BTRC: variants seen among roughly 807,000 people sequenced by gnomAD.
The protein encoded by BTRC is F-box/WD repeat-containing protein 1A.
A neutral mutation model predicts 85.5 loss-of-function variants in BTRC; 42 were observed. The observed-to-expected ratio is 0.49, with a 90% CI of 0.38 to 0.64. BTRC has a LOEUF of 0.64. BTRC is among the 30% of genes least tolerant of loss of function. The pLI, the probability that BTRC is intolerant of heterozygous loss-of-function variation, is 0.00. For synonymous variants in BTRC, 255 were observed against 263.3 expected (o/e 0.97, Z 0.30); for missense variants, 594 against 743.5 (o/e 0.80, Z 2.34).
intron 14 of BTRC, among the ~76,000 whole-genome samples, chr10:101,552,489 C>T (rs981054241): frequency 1.3e-5 from 2 of 151,988 alleles, no homozygotes; most frequent in Non-Finnish European, 2.9e-5. Context: ...CCACCGCACC[C>T]GGCCTGTCTC....
At chr10:101,527,785 C>CA (rs1299380807) in intron 6 of BTRC, among the ~76,000 whole-genome samples, 6 of 144,022 alleles carry the variant, frequency 4.2e-5, no homozygotes, top group Non-Finnish European at 3.1e-5. Context: ...CTCTCTCTCT[C>CA]TCTCTCACAT....
intron 2 of BTRC, among the ~76,000 whole-genome samples, chr10:101,455,796 T>C (rs1945059846): frequency 6.6e-6 from 1 of 152,170 alleles, no homozygotes; most frequent in African/African-American, 2.4e-5. Flanking sequence ...TATCCTGTTA[T>C]TGCCAAAAAG....
At chr10:101,520,781 AACCCTGTCTCT>A (rs1220167481) in intron 4 of BTRC, among the ~76,000 whole-genome samples, 2 of 152,054 alleles carry the variant, frequency 1.3e-5, no homozygotes, top group Non-Finnish European at 2.9e-5. Flanking sequence ...AACATGATGA[AACCCTGTCTCT>A]ACTAAAAATA....
At chr10:101,523,301 CTTG>C (rs776816261) in intron 5 of BTRC, among the ~76,000 whole-genome samples, 5 of 151,992 alleles carry the variant, frequency 3.3e-5, no homozygotes, top group Non-Finnish European at 4.4e-5. Flanking sequence ...TCTCATAAGC[CTTG>C]TTGTGGTGTT....
At chr10:101,410,746 A>G (rs1045546619) in intron 1 of BTRC, among the ~76,000 whole-genome samples, 4 of 152,074 alleles carry the variant, frequency 2.6e-5, no homozygotes, top group African/African-American at 7.2e-5. Flanking sequence ...TGGATAGTCA[A>G]CTGTTCTTAG....
chr10:101,442,352 CTA>C (rs747526937), intron 2 of BTRC, among the ~76,000 whole-genome samples: 2 of 149,430 alleles, frequency 1.3e-5, no homozygotes, highest in East Asian at 2.0e-4. Context: ...ACGGGAGAGA[CTA>C]TGAGAGACAT....
intron 1 of BTRC, among the ~76,000 whole-genome samples, chr10:101,407,507 G>T (rs1359741817): frequency 6.6e-6 from 1 of 151,526 alleles, no homozygotes; most frequent in African/African-American, 2.4e-5. Context: ...TCCGCCTCTG[G>T]CTTCAAGTGA....
chr10:101,513,689 T>A (rs2061985747), intron 4 of BTRC, among the ~76,000 whole-genome samples: 1 of 152,146 alleles, frequency 6.6e-6, no homozygotes, highest in South Asian at 2.1e-4. Context: ...TTGATGGACA[T>A]TTGGATTATT....
At chr10:101,373,958 G>A (rs1462161754) in intron 1 of BTRC, among the ~76,000 whole-genome samples, 8 of 151,788 alleles carry the variant, frequency 5.3e-5, no homozygotes, top group Admixed American at 5.3e-4. Flanking sequence ...AAAAAAGATG[G>A]TCAAAGTGAT....
At chr10:101,430,003 C>G (rs1944361759) in intron 1 of BTRC, among the ~76,000 whole-genome samples, 1 of 152,014 alleles carries the variant, frequency 6.6e-6, no homozygotes, top group Non-Finnish European at 1.5e-5. Context: ...TTTATGGGAG[C>G]TGAGTTGAGG....
chr10:101,441,879 CAAA>C (rs35543012), intron 2 of BTRC, among the ~76,000 whole-genome samples: 5 of 85,744 alleles, frequency 5.8e-5, no homozygotes, highest in African/African-American at 9.2e-5. Flanking sequence ...GAGACTGTCT[CAAA>C]AAAAAAAAAA....
chr10:101,473,287 ATTTTTTGAT>A lies in BTRC; in HGVS notation c.235-6072_235-6064del, dbSNP rs375712643. The stretch of plus-strand genomic sequence containing the variant: ...TCTGCTTTTTAAGCCTCTCCAGTAA[ATTTTTTGAT>A]TTTTTTGAGATAGGGTCTCACTCTG... On this transcript the variant is annotated intron_variant, in intron 3 of 14. Transcript: ENST00000370187. Among the ~76,000 whole-genome samples, 97 of 147,770 alleles carry A rather than the reference ATTTTTTGAT, an allele frequency of 6.6e-4. 2 individuals are homozygous for A. The highest frequency in any genetic ancestry group is 2.4e-3 in the African/African-American group (95 of 40,072).
intron 13 of BTRC, 81 bp from the exon 14 acceptor site, chr10:101,550,618 C>A: frequency 6.9e-7 from 1 of 1,449,508 alleles, no homozygotes; most frequent in Non-Finnish European, 9.6e-7. Context: ...TCCGTAGACT[C>A]CTTTTGACAT....
At chr10:101,404,026 A>ATTT (rs1438676972) in intron 1 of BTRC, among the ~76,000 whole-genome samples, 398 of 26,120 alleles carry the variant, frequency 0.015, 5 homozygotes, top group East Asian at 0.026. Context: ...ATATATATAT[A>ATTT]TATATTTTTT....
At position 101,540,324 on chromosome 10, in the gene BTRC, G is replaced by T. The variant is rs142395774; in HGVS notation, c.1656+1953G>T. 1.5e-3 allele frequency among the ~76,000 whole-genome samples: 228 copies of T among 149,788 alleles called. 6 individuals carry two copies. In the East Asian group the frequency reaches 0.038, roughly 25 times the overall value. On this transcript the variant is annotated intron_variant, in intron 13 of 14. Transcript: ENST00000370187. ...TATGGTACAAGGTGTAGATCAAAGG[G>T]TTGGGCTTTTTTACACATGAATATC...
intron 2 of BTRC, among the ~76,000 whole-genome samples, chr10:101,446,764 C>A (rs550359092): frequency 6.6e-6 from 1 of 152,126 alleles, no homozygotes; most frequent in Non-Finnish European, 1.5e-5. Context: ...TGTAAAAACT[C>A]ATTGAAGGCA....
At chr10:101,356,475 A>G (rs1332755308) in intron 1 of BTRC, among the ~76,000 whole-genome samples, 1 of 152,220 alleles carries the variant, frequency 6.6e-6, no homozygotes, top group Non-Finnish European at 1.5e-5. Context: ...TGTTTTGATA[A>G]TGGCCTCCCT....
chr10:101,550,778 T>A lies in BTRC; in HGVS notation c.1736T>A (p.Ile579Asn). ...AGTTCACATGATGACACAATCCTCA[T>A]CTGGGACTTCCTAAATGATCCAGCT... ...VSSSHDDTIL[I>N]WDFLNDPAAQ... Residue 579 changes from isoleucine to asparagine, a missense_variant, in exon 14 of 15, where the codon ATC becomes AAC. Ile to Asn is a moderately radical substitution (Grantham distance 149, BLOSUM62 -3). Around this residue, in one of 4 missense-constraint regions of BTRC, gnomAD observed 56 missense variants for 39.6 expected, o/e 1.41. Coordinates refer to ENST00000370187, the MANE Select transcript of BTRC (RefSeq NM_033637.4). The A allele has an allele frequency of 3.1e-6, 5 of 1,614,128 alleles. No homozygotes were observed. Among genetic ancestry groups the A allele is most frequent in the Non-Finnish European group, 4.2e-6 (5 of 1,180,004 alleles).
At chr10:101,538,522 A>T (rs938255604) in intron 13 of BTRC, 151 bp downstream of exon 13, 1 of 642,252 alleles carries the variant, frequency 1.6e-6, no homozygotes, top group African/African-American at 1.8e-5. Context: ...TGACAATAAA[A>T]TATGTTTATA....
Sources: allele counts gnomAD v4.1 joint callset (sites outside exome capture counted in the v4.1 genomes callset), GRCh38; gene constraint gnomAD v4.1.1; regional missense constraint gnomAD v4.1.1; transcripts MANE v1.5; gene names NCBI Gene and HGNC (gene_info 2026-07-23, HGNC 2026-07-21).